Variants in DAB1 observed in about 807,000 individuals in gnomAD.
The protein encoded by DAB1 is disabled homolog 1.
Under a neutral mutation model 64.6 loss-of-function variants are expected in DAB1, and 15 were observed. The ratio of observed to expected loss-of-function variants is 0.23; its 90% CI spans 0.16 to 0.36. The LOEUF (loss-of-function observed/expected upper bound fraction) is 0.36. Ranked by LOEUF, DAB1 falls within the 10% of genes least tolerant of loss-of-function variation. The probability of loss-of-function intolerance (pLI) is 1.00; values close to 1 mark genes in which losing one functional copy is unlikely to be tolerated. For missense variants in DAB1, 596 were observed against 706.7 expected (o/e 0.84, Z 1.78); for synonymous variants, 235 against 251.9 (o/e 0.93, Z 0.64).
In DAB1 at chr1:57,901,053, T is replaced by C. The variant is rs941205964; in HGVS notation, n.388-16891A>G. ...ACTATGTCATTTAGTTCTCATGCTA[T>C]CCATATAAAGGAAAAATTATTCTAA... On this transcript the variant is annotated intron_variant and non_coding_transcript_variant, in intron 5 of 20. Coordinates refer to the DAB1 transcript ENST00000485760. 3.3e-5 allele frequency among the ~76,000 whole-genome samples: 5 copies of C among 152,220 alleles called. No individual in the cohort carries two copies. In the East Asian group the frequency reaches 9.7e-4, roughly 29 times the overall value.
rs1314031375 is a variant in DAB1, at chr1:58,318,384, C to T, written n.309+24968G>A. Among the ~76,000 whole-genome samples the T allele has an allele frequency of 2.1e-4, 32 of 152,184 alleles. 1 individual carries two copies. The highest frequency in any genetic ancestry group is 2.1e-3 in the Admixed American group (32 of 15,264). On this transcript the variant is annotated intron_variant and non_coding_transcript_variant, in intron 4 of 20. Coordinates refer to the DAB1 transcript ENST00000485760. ...ACTATGATGAAGCCCAGGAGGGCTT[C>T]TTTTAAGTTCATGGACAGGCCTGGT...
At chr1:57,616,779 G>T (rs780400872) in intron 7 of DAB1, among the ~76,000 whole-genome samples, 8 of 152,122 alleles carry the variant, frequency 5.3e-5, no homozygotes, top group Middle Eastern at 3.2e-3. Flanking sequence ...AGTGAGGGAG[G>T]ATATTTCACA....
At chr1:57,076,441 T>C (rs140217038) in intron 4 of DAB1, among the ~76,000 whole-genome samples, 4 of 152,324 alleles carry the variant, frequency 2.6e-5, no homozygotes, top group African/African-American at 9.6e-5. Context: ...CAGCTTTATG[T>C]ATTCTCCCCA....
chr1:57,122,397 G>A (rs1443069331), intron 4 of DAB1, among the ~76,000 whole-genome samples: 1 of 152,174 alleles, frequency 6.6e-6, no homozygotes, highest in Non-Finnish European at 1.5e-5. Flanking sequence ...GGTTTTTAAG[G>A]ATGGGATTTT....
At position 58,539,013 on chromosome 1, in the gene DAB1, G is replaced by A. The variant is rs757269192; in HGVS notation, n.32+7690C>T. 7 of 872,762 alleles carry A rather than the reference G, an allele frequency of 8.0e-6. 1 individual carries two copies. The South Asian group carries it at 9.1e-5, about 11-fold the overall frequency. 54.1% of individuals were successfully genotyped at this position (872,762 alleles called of 1,614,324 possible). ...CATCATTCCATACAGTACATTTGCT[G>A]GTAATCCTCCAAATTTCCTTACTTT... is the stretch of plus-strand genomic sequence containing the variant. On this transcript the variant is annotated intron_variant and non_coding_transcript_variant, in intron 1 of 20. Transcript: ENST00000485760.
At chr1:58,269,464 G>A (rs1008115244) in intron 4 of DAB1, among the ~76,000 whole-genome samples, 47 of 150,160 alleles carry the variant, frequency 3.1e-4, no homozygotes, top group East Asian at 9.8e-4. Context: ...GAATAATGCC[G>A]CAATAAACAT....
chr1:58,368,203 A>C (rs1276862252), intron 3 of DAB1, among the ~76,000 whole-genome samples: 1 of 152,198 alleles, frequency 6.6e-6, no homozygotes, highest in Non-Finnish European at 1.5e-5. Context: ...TAAGCCAATG[A>C]GGTTGGTGCT....
chr1:58,488,895 A>G (rs1645624407), intron 3 of DAB1, among the ~76,000 whole-genome samples: 1 of 152,214 alleles, frequency 6.6e-6, no homozygotes, highest in East Asian at 1.9e-4. Context: ...TTATGTACAG[A>G]TATTTTTGTC....
At chr1:58,526,094 A>G (rs1204038677) in intron 2 of DAB1, among the ~76,000 whole-genome samples, 1 of 152,120 alleles carries the variant, frequency 6.6e-6, no homozygotes, top group African/African-American at 2.4e-5. Flanking sequence ...ACTGAGATAA[A>G]CAAAGATTTC....
rs4480386 is a variant in DAB1, at chr1:57,585,250, A to G, written n.625+64342T>C. 7.3e-3 allele frequency among the ~76,000 whole-genome samples: 56 copies of G among 7,712 alleles called. 1 individual carries two copies. The Admixed American group carries it at 0.1, about 14-fold the overall frequency. The allele number at this position is 7,712 out of a possible 152,430, so 5.1% of individuals were successfully genotyped here. On this transcript the variant is annotated intron_variant and non_coding_transcript_variant, in intron 7 of 20. Transcript: ENST00000485760. ...GGCGACAGGATGAGACTCTTTCTGA[A>G]AAAAAAAAAAAAAAAAAAAAAAAAA...
chr1:58,201,391 A>C (rs1292354265), intron 4 of DAB1, among the ~76,000 whole-genome samples: 3 of 152,186 alleles, frequency 2.0e-5, no homozygotes, highest in Non-Finnish European at 4.4e-5. Context: ...CTCTGGACAT[A>C]GCGCTCTTTC....
intron 7 of DAB1, among the ~76,000 whole-genome samples, chr1:57,521,411 T>A (rs979220344): frequency 6.6e-6 from 1 of 151,964 alleles, no homozygotes. Context: ...TGCTGATGAA[T>A]CTTGGGAGTC....
intron 3 of DAB1, among the ~76,000 whole-genome samples, chr1:58,454,124 C>T (rs1031169216): frequency 1.3e-5 from 2 of 152,122 alleles, no homozygotes; most frequent in Non-Finnish European, 2.9e-5. Flanking sequence ...TTCTGGGCTT[C>T]GACTGGGCAT....
chr1:57,927,243 CA>C (rs1473581115), intron 5 of DAB1, among the ~76,000 whole-genome samples: 1 of 152,180 alleles, frequency 6.6e-6, no homozygotes, highest in Non-Finnish European at 1.5e-5. Context: ...AACTCTATGG[CA>C]ATCTTCCCTG....
At chr1:57,444,051 C>T (rs1686049110) in intron 7 of DAB1, among the ~76,000 whole-genome samples, 1 of 152,132 alleles carries the variant, frequency 6.6e-6, no homozygotes. Context: ...CCCCTGTTCC[C>T]TAGACCCCAG....
chr1:57,826,488 G>A (rs1015994831), intron 1 of DAB1: 9 of 152,352 alleles, frequency 5.9e-5, no homozygotes, highest in Non-Finnish European at 1.2e-4. Flanking sequence ...CCAAAAGGAA[G>A]AGAGGGAGAA....
At chr1:57,140,603 G>A (rs1262226633) in intron 3 of DAB1, among the ~76,000 whole-genome samples, 1 of 152,144 alleles carries the variant, frequency 6.6e-6, no homozygotes, top group African/African-American at 2.4e-5. Flanking sequence ...GTGCTGAAGA[G>A]GAACCCCAAA....
At chr1:57,486,866 C>T (rs2101260408) in intron 7 of DAB1, among the ~76,000 whole-genome samples, 3 of 151,512 alleles carry the variant, frequency 2.0e-5, no homozygotes, top group South Asian at 4.2e-4. Flanking sequence ...AGTCCCAGAC[C>T]CTTATGTGAA....
intron 8 of DAB1, among the ~76,000 whole-genome samples, chr1:57,069,111 AT>A (rs1651204875): frequency 6.6e-6 from 1 of 152,186 alleles, no homozygotes; most frequent in South Asian, 2.1e-4. Context: ...GGAACATTTT[AT>A]TTTTGTTTCT....
Sources: gnomAD v4.1 joint callset for allele counts (sites outside exome capture counted in the v4.1 genomes callset) on GRCh38, gnomAD v4.1.1 for gene constraint, MANE v1.5 for transcripts, NCBI Gene and HGNC (gene_info 2026-07-23, HGNC 2026-07-21) for gene names.